TBC1D21: variants seen among roughly 807,000 people sequenced by gnomAD.
TBC1D21 encodes TBC1 domain family member 21.
TBC1D21 carries 38 observed loss-of-function variants against 46.0 expected under a neutral mutation model. The observed-to-expected ratio is 0.83, with a 90% CI of 0.64 to 1.08. The LOEUF (loss-of-function observed/expected upper bound fraction) is 1.08. Among genes scored for constraint, TBC1D21 ranks in the 50% least tolerant of loss-of-function variants. The probability of loss-of-function intolerance (pLI) is 0.00; values close to 1 mark genes in which losing one functional copy is unlikely to be tolerated. For missense variants in TBC1D21, 415 were observed against 417.9 expected, an observed-to-expected ratio of 0.99 and a Z score of 0.06; for synonymous variants, 151 against 157.2, an observed-to-expected ratio of 0.96 and a Z score of 0.29.
chr15:73,887,834 C>T (rs2068278653), intron 9 of TBC1D21, 98 bp downstream of exon 9: 2 of 929,144 alleles, frequency 2.2e-6, no homozygotes, highest in Non-Finnish European at 1.7e-6. Flanking sequence ...GGGTGCTGGG[C>T]ACCAGTGCCA....
At chr15:73,892,411 C>A (rs1032066051), downstream of TBC1D21, among the ~76,000 whole-genome samples, 1 of 152,170 alleles carries the variant, frequency 6.6e-6, no homozygotes, top group Non-Finnish European at 1.5e-5. Context: ...AGAGCTATAG[C>A]CTTTTGGGGA....
At chr15:73,883,635 TC>T (rs1171886526) in intron 3 of TBC1D21, among the ~76,000 whole-genome samples, 1 of 152,180 alleles carries the variant, frequency 6.6e-6, no homozygotes, top group Non-Finnish European at 1.5e-5. Flanking sequence ...AAGACTCTTT[TC>T]CCCCACATGG....
At chr15:73,881,830 T>C in intron 3 of TBC1D21, 83 bp downstream of exon 3, 1 of 1,239,268 alleles carries the variant, frequency 8.1e-7, no homozygotes. Flanking sequence ...GACTATCTTC[T>C]GCCCCCATGC....
At chr15:73,889,259 G>A (rs371750456), downstream of TBC1D21, 30 of 829,214 alleles carry the variant, frequency 3.6e-5, no homozygotes, top group East Asian at 8.6e-5. Flanking sequence ...GGGCTGGGAC[G>A]CACATGAGGG....
intron 3 of TBC1D21, among the ~76,000 whole-genome samples, chr15:73,883,404 G>T (rs2068188160): frequency 6.6e-6 from 1 of 152,208 alleles, no homozygotes; most frequent in African/African-American, 2.4e-5. Flanking sequence ...CAAGGTGTTG[G>T]CTCCTTCCAA....
chr15:73,900,679 G>C, the TBC1D21 span, among the ~76,000 whole-genome samples: 1 of 152,172 alleles, frequency 6.6e-6, no homozygotes, highest in Non-Finnish European at 1.5e-5. Context: ...AGAGAGGCAG[G>C]ACAGAGACTA....
At chr15:73,877,929 A>G (rs2068094795) in intron 1 of TBC1D21, among the ~76,000 whole-genome samples, 1 of 152,248 alleles carries the variant, frequency 6.6e-6, no homozygotes. Flanking sequence ...ACCTGATAAA[A>G]GGCATCTGTA....
Position 73,885,641 on chromosome 15 carries a change from G to C in TBC1D21, c.580-437G>C, listed in dbSNP as rs139316323. ...AGCCTTTCCTCATGATCTGCGAGAG[G>C]CTGCCCAGAACCCTCCCTCATCCCT... On this transcript the variant is annotated intron_variant, in intron 6 of 10. Transcript: ENST00000300504. 2.7e-3 allele frequency among the ~76,000 whole-genome samples: 414 copies of C among 151,938 alleles called. 1 individual carries two copies. The highest frequency in any genetic ancestry group is 8.8e-3 in the African/African-American group (366 of 41,438).
intron 1 of TBC1D21, among the ~76,000 whole-genome samples, chr15:73,878,855 T>G (rs1369747861): frequency 1.3e-5 from 2 of 152,246 alleles, no homozygotes; most frequent in African/African-American, 4.8e-5. Flanking sequence ...GCCTGTTCCC[T>G]TCTGCTTCCT....
intron 1 of TBC1D21, among the ~76,000 whole-genome samples, chr15:73,876,992 T>C (rs535547178): frequency 1.3e-5 from 2 of 152,194 alleles, no homozygotes; most frequent in East Asian, 1.9e-4. Context: ...CCAGCTCTGA[T>C]ACTTTCTGTA....
At chr15:73,876,187 C>A in intron 1 of TBC1D21, among the ~76,000 whole-genome samples, 1 of 76,044 alleles carries the variant, frequency 1.3e-5, no homozygotes, top group African/African-American at 4.0e-5. Flanking sequence ...GAATCAGTGA[C>A]TTTTTTTGTG....
Position 73,878,845 on chromosome 15 carries a change from G to T in TBC1D21, c.61-2554G>T, listed in dbSNP as rs576326282. ...GGATCCCGGGACACAGCCCAGCTTTGCCTGTTCCCTTCTGCTTCCTGCCAC... is the reference window on the plus strand; with the variant it reads ...GGATCCCGGGACACAGCCCAGCTTTTCCTGTTCCCTTCTGCTTCCTGCCAC... On this transcript the variant is annotated intron_variant, in intron 1 of 10. Transcript: ENST00000300504. Among the ~76,000 whole-genome samples the T allele has an allele frequency of 2.0e-4, 30 of 152,268 alleles. 1 individual carries two copies. In the South Asian group the frequency reaches 5.8e-3, roughly 30 times the overall value.
At chr15:73,900,992 C>T in the TBC1D21 span, among the ~76,000 whole-genome samples, 1 of 152,086 alleles carries the variant, frequency 6.6e-6, no homozygotes, top group African/African-American at 2.4e-5. Context: ...AATTTCTTGC[C>T]CAGGGAGAGA....
chr15:73,885,946 C>T, intron 6 of TBC1D21, 132 bp from the exon 7 acceptor site: 1 of 682,410 alleles, frequency 1.5e-6, no homozygotes, highest in South Asian at 1.8e-5. Context: ...CACTCAGACT[C>T]ATAGAGACAT....
the TBC1D21 span, among the ~76,000 whole-genome samples, chr15:73,899,658 G>A: frequency 4.6e-5 from 7 of 152,128 alleles, no homozygotes; most frequent in African/African-American, 4.8e-5. Flanking sequence ...AGGAACAGCC[G>A]TCGCCCTTGG....
intron 1 of TBC1D21, among the ~76,000 whole-genome samples, chr15:73,875,008 A>T (rs963414144): frequency 6.6e-6 from 1 of 152,150 alleles, no homozygotes; most frequent in Non-Finnish European, 1.5e-5. Context: ...GCACTTTGGG[A>T]GGCCGAAGCG....
chr15:73,905,658 A>AT, the TBC1D21 span, among the ~76,000 whole-genome samples: 6 of 152,056 alleles, frequency 3.9e-5, no homozygotes, highest in Non-Finnish European at 7.4e-5. Context: ...AAACCAGGGC[A>AT]TTTTTTTTCT....
chr15:73,886,038 G>T (rs1257300527), intron 6 of TBC1D21, 40 bp from the exon 7 acceptor site: 2 of 1,590,728 alleles, frequency 1.3e-6, no homozygotes. Flanking sequence ...GTGCCTTGAA[G>T]CCAAGGGGGA....
chr15:73,886,123 A>G lies in TBC1D21; in HGVS notation c.625A>G (p.Met209Val), dbSNP rs374896626. The G allele has an allele frequency of 5.0e-6, 8 of 1,614,052 alleles. No homozygotes were observed. Among genetic ancestry groups the G allele is most frequent in the Admixed American group, 3.3e-5 (2 of 59,998 alleles). ...CATTGGCGTGGCCAAGAACCTAGAC[A>G]TGCTCAGCACCCTGATCACCTTCCT... The part of the protein sequence containing the change: ...INIGVAKNLD[M>V]LSTLITFLDP... Residue 209 changes from methionine (M) to valine (V), a missense_variant, in exon 7 of 11, where the codon ATG (methionine) becomes GTG (valine). Met to Val is a conservative substitution (Grantham distance 21). Transcript: ENST00000300504.
Sources: allele counts gnomAD v4.1 joint callset (sites outside exome capture counted in the v4.1 genomes callset), GRCh38; gene constraint gnomAD v4.1.1; transcripts MANE v1.5; gene names NCBI Gene and HGNC (gene_info 2026-07-23, HGNC 2026-07-21).